The following NCOA2 variants were observed in gnomAD, a reference collection of about 807,000 sequenced individuals.
NCOA2 encodes nuclear receptor coactivator 2.
A neutral mutation model predicts 145.1 loss-of-function variants in NCOA2; 21 were observed. The ratio of observed to expected loss-of-function variants is 0.14; its 90% CI spans 0.10 to 0.21. The LOEUF (loss-of-function observed/expected upper bound fraction) is 0.21, where lower values mean the gene tolerates loss of function less well. Ranked by LOEUF, NCOA2 falls within the 10% of genes least tolerant of loss-of-function variation. The pLI is 1.00. For missense variants in NCOA2, 1,472 were observed against 1,837.6 expected (o/e 0.80, Z 3.64); for synonymous variants, 619 against 637.5 (o/e 0.97, Z 0.44).
chr8:70,301,655 C>CAAAAAAAAA (rs71275063), intron 1 of NCOA2, among the ~76,000 whole-genome samples: 35 of 60,124 alleles, frequency 5.8e-4, no homozygotes, highest in South Asian at 8.2e-4. Context: ...GACCCTTTCT[C>CAAAAAAAAA]AAAAAAAAAA....
At chr8:70,431,125 T>G in the NCOA2 span, among the ~76,000 whole-genome samples, 4 of 152,128 alleles carry the variant, frequency 2.6e-5, no homozygotes, top group African/African-American at 7.2e-5. Context: ...TGCAGATAAG[T>G]AAAGACTGGC....
intron 1 of NCOA2, among the ~76,000 whole-genome samples, chr8:70,393,596 C>T (rs1813397646): frequency 1.3e-5 from 2 of 152,068 alleles, no homozygotes. Flanking sequence ...TAGTGACTCC[C>T]AGTTCATGAC....
the NCOA2 span, among the ~76,000 whole-genome samples, chr8:70,453,649 C>T: frequency 6.6e-6 from 1 of 152,166 alleles, no homozygotes; most frequent in Non-Finnish European, 1.5e-5. Context: ...CAGTGAGGCC[C>T]TCTCGAAGGG....
At chr8:70,286,800 T>C (rs764590960) in intron 2 of NCOA2, among the ~76,000 whole-genome samples, 4 of 152,110 alleles carry the variant, frequency 2.6e-5, no homozygotes, top group Non-Finnish European at 5.9e-5. Flanking sequence ...TTCCCCTATA[T>C]ATATTTAAAA....
At chr8:70,277,148 G>GA (rs1447996537) in intron 2 of NCOA2, among the ~76,000 whole-genome samples, 1 of 150,766 alleles carries the variant, frequency 6.6e-6, no homozygotes, top group Non-Finnish European at 1.5e-5. Flanking sequence ...AGGCGTTTTT[G>GA]TTTTTTTTCC....
At chr8:70,194,676 CTTTTTTTTTT>C (rs199803538) in intron 4 of NCOA2, among the ~76,000 whole-genome samples, 1 of 109,906 alleles carries the variant, frequency 9.1e-6, no homozygotes, top group Non-Finnish European at 1.9e-5. Context: ...CTTTTATCTT[CTTTTTTTTTT>C]TTTTTTTTTT....
chr8:70,244,088 A>T (rs1295808795), intron 2 of NCOA2, among the ~76,000 whole-genome samples: 1 of 152,124 alleles, frequency 6.6e-6, no homozygotes, highest in Non-Finnish European at 1.5e-5. Flanking sequence ...TATACACCTT[A>T]GAAATTGCCT....
chr8:70,246,810 T>C (rs963894007), intron 2 of NCOA2, among the ~76,000 whole-genome samples: 1 of 152,160 alleles, frequency 6.6e-6, no homozygotes, highest in Non-Finnish European at 1.5e-5. Context: ...GAATCATACA[T>C]TAATTTTCTT....
At chr8:70,154,657 C>T (rs1812095169) in intron 11 of NCOA2, among the ~76,000 whole-genome samples, 2 of 152,192 alleles carry the variant, frequency 1.3e-5, no homozygotes, top group African/African-American at 4.8e-5. Flanking sequence ...TCCACCTTGG[C>T]CTCCCAAAGT....
intron 7 of NCOA2, among the ~76,000 whole-genome samples, chr8:70,165,603 T>C (rs1652191904): frequency 6.6e-6 from 1 of 152,192 alleles, no homozygotes; most frequent in African/African-American, 2.4e-5. Context: ...GCTTGCCTAG[T>C]GGGCTCAGGA....
intron 2 of NCOA2, among the ~76,000 whole-genome samples, chr8:70,276,136 A>G (rs1290850659): frequency 6.6e-6 from 1 of 152,196 alleles, no homozygotes; most frequent in Non-Finnish European, 1.5e-5. Context: ...TTCCTCCAAG[A>G]TAAAAGGAGG....
chr8:70,345,195 G>C (rs1808504630), intron 1 of NCOA2, among the ~76,000 whole-genome samples: 1 of 152,170 alleles, frequency 6.6e-6, no homozygotes, highest in Non-Finnish European at 1.5e-5. Context: ...TGGGACTCTA[G>C]GGGTAAACAA....
chr8:70,352,996 A>C (rs1271929929), intron 1 of NCOA2, among the ~76,000 whole-genome samples: 3 of 152,306 alleles, frequency 2.0e-5, no homozygotes, highest in Admixed American at 6.5e-5. Flanking sequence ...GCTTTAGTAC[A>C]TTCTCATATT....
At chr8:70,258,637 T>C (rs947529566) in intron 2 of NCOA2, among the ~76,000 whole-genome samples, 1 of 152,130 alleles carries the variant, frequency 6.6e-6, no homozygotes, top group Non-Finnish European at 1.5e-5. Context: ...TTCTTTCCAA[T>C]CCCTCTACAA....
chr8:70,170,194 A>G lies in NCOA2; in HGVS notation c.541+8T>C. 6.2e-7 allele frequency: 1 copy of G among 1,612,334 alleles called. No individual in the cohort carries two copies. The highest frequency in any genetic ancestry group is 1.1e-5 in the South Asian group (1 of 90,518). On this transcript the variant is annotated splice_region_variant and intron_variant, in intron 6 of 22. Coordinates refer to ENST00000452400, the MANE Select transcript of NCOA2 (RefSeq NM_006540.4). ...GGAGGTAGGGAGGGAGACCCAGCAG[A>G]CATTTACCTATAGACTTTGGCAGCA... is the stretch of plus-strand genomic sequence containing the variant.
chr8:70,248,725 A>G (rs1260423596), intron 2 of NCOA2, among the ~76,000 whole-genome samples: 1 of 151,570 alleles, frequency 6.6e-6, no homozygotes, highest in African/African-American at 2.4e-5. Context: ...AATAGTTGTT[A>G]TACTGTATTG....
Position 70,131,769 on chromosome 8 carries a change from A to G in NCOA2, c.3324+68T>C, listed in dbSNP as rs181696083. 5.1e-4 allele frequency: 757 copies of G among 1,486,162 alleles called. 2 individuals are homozygous for G. The highest frequency in any genetic ancestry group is 2.9e-3 in the Middle Eastern group (13 of 4,508). 92.1% of individuals were successfully genotyped at this position (1,486,162 alleles called of 1,614,324 possible). ...AAAAGCAGACCGTGGAGTACCTGTA[A>G]ACAGAAAATGGACACCTCTGCGCCC... On this transcript the variant is annotated intron_variant, in intron 16 of 22. Coordinates refer to ENST00000452400, the MANE Select transcript of NCOA2 (RefSeq NM_006540.4).
chr8:70,198,825 TC>T (rs1817604665), intron 4 of NCOA2, among the ~76,000 whole-genome samples: 1 of 152,094 alleles, frequency 6.6e-6, no homozygotes. Flanking sequence ...GATGAGGCAG[TC>T]TTTTCAGAAG....
intron 2 of NCOA2, among the ~76,000 whole-genome samples, chr8:70,276,991 A>T (rs1825516184): frequency 6.6e-6 from 1 of 152,244 alleles, no homozygotes; most frequent in Admixed American, 6.5e-5. Context: ...ATACTAAAGC[A>T]CAAATACTTT....
Sources: allele counts gnomAD v4.1 joint callset (sites outside exome capture counted in the v4.1 genomes callset), GRCh38; gene constraint gnomAD v4.1.1; transcripts MANE v1.5; gene names NCBI Gene and HGNC (gene_info 2026-07-23, HGNC 2026-07-21).